The following RPIA variants were observed in gnomAD, a reference collection of about 807,000 sequenced individuals.
RPIA encodes the protein ribose-5-phosphate isomerase.
Under a neutral mutation model 37.8 loss-of-function variants are expected in RPIA, and 29 were observed. The observed-to-expected ratio is 0.77, with a 90% CI of 0.57 to 1.05. RPIA has a LOEUF of 1.05. Ranked by LOEUF, RPIA falls within the 50% of genes least tolerant of loss-of-function variation. RPIA has a pLI of 0.00. For synonymous variants in RPIA, 167 were observed against 157.0 expected (o/e 1.06, Z -0.48); for missense variants, 385 against 413.6 (o/e 0.93, Z 0.60).
chr2:88,740,939 T>C (rs1673374378), intron 8 of RPIA, among the ~76,000 whole-genome samples: 1 of 152,254 alleles, frequency 6.6e-6, no homozygotes, highest in South Asian at 2.1e-4. Flanking sequence ...AGGCACAGTT[T>C]GGTGCCAGGG....
intron 3 of RPIA, among the ~76,000 whole-genome samples, chr2:88,719,802 T>C (rs1185688813): frequency 1.3e-5 from 2 of 152,220 alleles, no homozygotes; most frequent in Non-Finnish European, 2.9e-5. Flanking sequence ...AAGTCTTTTA[T>C]AGACTTTATA....
In RPIA at chr2:88,750,056, T is replaced by C. The variant is rs559102861; in HGVS notation, c.914T>C (p.Met305Thr). The C allele has an allele frequency of 5.0e-6, 8 of 1,612,580 alleles. No homozygotes were observed. The highest frequency in any genetic ancestry group is 3.3e-5 in the South Asian group (3 of 91,046). The change falls in exon 9 of 9, where the codon ATG becomes ACG. Residue 305 changes from methionine to threonine, a missense_variant. Coordinates refer to ENST00000283646, the MANE Select transcript of RPIA (RefSeq NM_144563.3). ...GGGATGCAGGATGGCTCAGTGAACA[T>C]GAGGGAGAAGCCTTTCTGTTGACCC... ...YFGMQDGSVN[M>T]REKPFC is the part of the protein sequence containing the mutation.
chr2:88,705,275 A>C (rs1672883876), intron 3 of RPIA, among the ~76,000 whole-genome samples: 1 of 152,206 alleles, frequency 6.6e-6, no homozygotes, highest in East Asian at 1.9e-4. Context: ...CCTAAGCAAA[A>C]AGAACAAAGC....
chr2:88,718,552 C>T (rs186237460), intron 3 of RPIA, among the ~76,000 whole-genome samples: 5 of 152,254 alleles, frequency 3.3e-5, no homozygotes, highest in African/African-American at 1.2e-4. Flanking sequence ...TCTTTACTTA[C>T]CACAGCTCAG....
chr2:88,701,570 A>C (rs1384549223), intron 3 of RPIA, among the ~76,000 whole-genome samples: 1 of 366 alleles, frequency 2.7e-3, no homozygotes, highest in Non-Finnish European at 4.9e-3. Context: ...GACCTCCACT[A>C]TTTCTTGCTC....
intron 3 of RPIA, 28 bp from the exon 4 acceptor site, chr2:88,729,250 C>G (rs767607229): frequency 1.9e-6 from 3 of 1,610,670 alleles, no homozygotes; most frequent in Non-Finnish European, 2.5e-6. Context: ...AGTAAATGAT[C>G]GTGGTTGCTC....
At chr2:88,694,335 C>G (rs777040162) in intron 1 of RPIA, among the ~76,000 whole-genome samples, 3 of 152,288 alleles carry the variant, frequency 2.0e-5, no homozygotes, top group African/African-American at 7.2e-5. Flanking sequence ...AGGCAAAGAA[C>G]GAGCCTTATA....
At position 88,718,891 on chromosome 2, in the gene RPIA, GT is replaced by G. The variant is rs201481996; in HGVS notation, c.403-10380del. ...AAAAGCTATAAATAGCTTAAAAGAA[GT>G]TTTTTTGACTCTGAAAAATAAAAGA... On this transcript the variant is annotated intron_variant, in intron 3 of 8. Transcript: ENST00000283646. 3.5e-3 allele frequency among the ~76,000 whole-genome samples: 527 copies of G among 152,198 alleles called. 2 individuals carry two copies. The highest frequency in any genetic ancestry group is 0.012 in the African/African-American group (498 of 41,548).
intron 3 of RPIA, among the ~76,000 whole-genome samples, chr2:88,713,099 A>AATATATATATATATATAT (rs1553420187): frequency 6.6e-5 from 3 of 45,590 alleles, no homozygotes; most frequent in African/African-American, 3.7e-4. Context: ...TGGATGTCTG[A>AATATATATATATATATAT]ATATATATAT....
rs200524237 is a variant in RPIA, at chr2:88,736,683, G to A, written c.738+7G>A. On this transcript the variant is annotated splice_region_variant and intron_variant, in intron 7 of 8. Transcript: ENST00000283646. ...AATGGCTGTCAACAAGGCTGTGAGT[G>A]GCCTGGTTGGGCCGGGGGTGTGCTG... The A allele has an allele frequency of 4.4e-6, 7 of 1,608,800 alleles. No individual in the cohort carries two copies. The highest frequency in any genetic ancestry group is 6.0e-6 in the Non-Finnish European group (7 of 1,175,444).
chr2:88,699,330 C>T (rs1672800781), intron 2 of RPIA, among the ~76,000 whole-genome samples: 1 of 151,952 alleles, frequency 6.6e-6, no homozygotes, highest in African/African-American at 2.4e-5. Context: ...AATAGTGGCA[C>T]CCAAACCTCC....
At chr2:88,727,634 A>G (rs1467753352) in intron 3 of RPIA, among the ~76,000 whole-genome samples, 2 of 152,054 alleles carry the variant, frequency 1.3e-5, no homozygotes, top group Non-Finnish European at 1.5e-5. Flanking sequence ...AACATGTGGT[A>G]TTTGGTTTTC....
intron 7 of RPIA, among the ~76,000 whole-genome samples, chr2:88,736,882 C>T (rs888363917): frequency 3.3e-5 from 5 of 152,208 alleles, no homozygotes; most frequent in African/African-American, 1.2e-4. Flanking sequence ...ACACTTAATA[C>T]AGTGCATCTC....
At chr2:88,706,030 G>A (rs190067265) in intron 3 of RPIA, among the ~76,000 whole-genome samples, 1 of 152,260 alleles carries the variant, frequency 6.6e-6, no homozygotes, top group Admixed American at 6.5e-5. Context: ...TGGTCAGAAT[G>A]GCGATTATTA....
At position 88,695,132 on chromosome 2, in the gene RPIA, G is replaced by A. The variant is rs185593911; in HGVS notation, c.285+3149G>A. On this transcript the variant is annotated intron_variant, in intron 1 of 8. Transcript: ENST00000283646. ...CTCCTTCTTACATGCCTTTACCTATGCATCTCTTCATCCATATCCTTCATC... is the reference window on the plus strand; with the variant it reads ...CTCCTTCTTACATGCCTTTACCTATACATCTCTTCATCCATATCCTTCATC... Among the ~76,000 whole-genome samples, 388 of 152,274 alleles carry A rather than the reference G, an allele frequency of 2.5e-3. 4 individuals carry two copies. Among genetic ancestry groups the A allele is most frequent in the Non-Finnish European group, 2.5e-3 (167 of 68,026 alleles).
At chr2:88,701,216 G>A (rs77780714) in intron 3 of RPIA, among the ~76,000 whole-genome samples, 2,427 of 151,962 alleles carry the variant, frequency 0.016, 31 homozygotes, top group Middle Eastern at 0.027. Flanking sequence ...GCCACCCAGG[G>A]GACTGAAGGC....
At chr2:88,692,040 G>C in intron 1 of RPIA, 57 bp downstream of exon 1, 1 of 1,523,598 alleles carries the variant, frequency 6.6e-7, no homozygotes, top group Admixed American at 2.0e-5. Context: ...ATGGGCTACT[G>C]TTGCGCGTTG....
chr2:88,698,676 A>C, intron 2 of RPIA, 132 bp downstream of exon 2: 1 of 831,592 alleles, frequency 1.2e-6, no homozygotes, highest in Non-Finnish European at 2.1e-6. Flanking sequence ...GGAGAGAGGG[A>C]CTACCTGAGG....
At chr2:88,699,309 A>G (rs982010189) in intron 2 of RPIA, among the ~76,000 whole-genome samples, 5 of 152,174 alleles carry the variant, frequency 3.3e-5, no homozygotes, top group African/African-American at 1.2e-4. Context: ...AGGAGTTACT[A>G]TGGATTTTAT....
Sources: gnomAD v4.1 joint callset for allele counts (sites outside exome capture counted in the v4.1 genomes callset) on GRCh38, gnomAD v4.1.1 for gene constraint, MANE v1.5 for transcripts, NCBI Gene and HGNC (gene_info 2026-07-23, HGNC 2026-07-21) for gene names.